The following SOCS7 variants were observed in gnomAD, a reference collection of about 807,000 sequenced individuals.
SOCS7 encodes the protein suppressor of cytokine signaling 7, also known as NAP-4.
Under a neutral mutation model 58.9 loss-of-function variants are expected in SOCS7, and 18 were observed. The ratio of observed to expected loss-of-function variants is 0.31; its 90% CI spans 0.21 to 0.45. The LOEUF is 0.45. Ranked by LOEUF, SOCS7 falls within the 20% of genes least tolerant of loss-of-function variation. SOCS7 has a pLI of 1.00. For synonymous variants in SOCS7, 388 were observed against 364.3 expected (o/e 1.06, Z -0.74); for missense variants, 667 against 837.3 (o/e 0.80, Z 2.51).
At chr17:38,392,630 A>G (rs1474322574) in intron 7 of SOCS7, among the ~76,000 whole-genome samples, 1 of 152,210 alleles carries the variant, frequency 6.6e-6, no homozygotes, top group Non-Finnish European at 1.5e-5. Flanking sequence ...AGGACCAGCC[A>G]TGTGGGTAGA....
At chr17:38,366,646 A>G (rs181105298) in intron 5 of SOCS7, among the ~76,000 whole-genome samples, 29 of 152,298 alleles carry the variant, frequency 1.9e-4, no homozygotes, top group African/African-American at 7.0e-4. Flanking sequence ...GGCATGCACG[A>G]CCAAGCCCAG....
At chr17:38,374,213 C>T (rs920856582) in intron 6 of SOCS7, among the ~76,000 whole-genome samples, 1 of 151,848 alleles carries the variant, frequency 6.6e-6, no homozygotes, top group Non-Finnish European at 1.5e-5. Flanking sequence ...GAGTGAGACT[C>T]TGTCTCAAAA....
At position 38,396,142 on chromosome 17, in the gene SOCS7, C is replaced by T. The variant is rs41524844; in HGVS notation, c.*30+144C>T. ...TGCCCATAGAATGACAAGATCTGAC[C>T]GTGGAGTCCTCAAGGGGCACACACC... On this transcript the variant is annotated intron_variant, in intron 9 of 9. Coordinates refer to ENST00000612932, the MANE Select transcript of SOCS7 (RefSeq NM_014598.4). 9.5e-3 allele frequency: 6,108 copies of T among 642,364 alleles called. 35 individuals are homozygous for T. The highest frequency in any genetic ancestry group is 0.011 in the Non-Finnish European group (4,633 of 405,016). 39.8% of individuals were successfully genotyped at this position (642,364 alleles called of 1,614,324 possible).
rs988361517 is a variant in SOCS7, at chr17:38,352,792, A to T, written c.740A>T (p.Gln247Leu). ...CTGAGTAGAGGGGAGCAGCAGCAGCAGCAGCAGCAGCAACCTCCCCCGCCC... is the reference window on the plus strand; with the variant it reads ...CTGAGTAGAGGGGAGCAGCAGCAGCTGCAGCAGCAGCAACCTCCCCCGCCC... ...GRLSRGEQQQ[Q>L]QQQQPPPPPP... Residue 247 changes from glutamine (Q) to leucine (L), a missense_variant, in exon 1 of 10, where the codon CAG becomes CTG. Around this residue, in one of 9 missense-constraint regions of SOCS7, gnomAD observed 208 missense variants for 190.3 expected, o/e 1.09. Coordinates refer to ENST00000612932, the MANE Select transcript of SOCS7 (RefSeq NM_014598.4). The surrounding 1 kb of genome is among the most constrained non-coding windows in gnomAD (Gnocchi z 5.5). 8.4e-6 allele frequency: 13 copies of T among 1,551,872 alleles called. No homozygotes were observed. Among genetic ancestry groups the T allele is most frequent in the Non-Finnish European group, 1.0e-5 (12 of 1,148,230 alleles).
In SOCS7 at chr17:38,395,844, A is replaced by G. The variant is rs371514542; in HGVS notation, c.1818-4A>G. ...TGTGTATATCCGTCATTTGTTTTTC[A>G]CAGACCTCTGATCTCTTATATCCGA... On this transcript the variant is annotated splice_polypyrimidine_tract_variant and splice_region_variant and intron_variant, in intron 8 of 9. Coordinates refer to ENST00000612932, the MANE Select transcript of SOCS7 (RefSeq NM_014598.4). 79 of 1,607,974 alleles carry G rather than the reference A, an allele frequency of 4.9e-5. No homozygotes were observed. In the African/African-American group the frequency reaches 9.7e-4, roughly 20 times the overall value.
intron 9 of SOCS7, 70 bp from the exon 10 acceptor site, chr17:38,399,443 G>A (rs757542969): frequency 3.3e-5 from 5 of 152,200 alleles, no homozygotes; most frequent in Admixed American, 6.5e-5. Flanking sequence ...TCCAGTGGCT[G>A]GCTGTTATTT....
rs1427157425 is a variant in SOCS7 at position 38,387,545 on chromosome 17, TATATATATACACAATACATA to T, written c.1682-7747_1682-7728del. Among the ~76,000 whole-genome samples, 4 of 140,766 alleles carry T rather than the reference TATATATATACACAATACATA, an allele frequency of 2.8e-5. No homozygotes were observed. In the East Asian group the frequency reaches 8.0e-4, roughly 28 times the overall value. 92.3% of individuals were successfully genotyped at this position (140,766 alleles called of 152,430 possible). A position where few individuals can be genotyped will look rare whatever the true frequency, so the allele number is the denominator to read the frequency against. ...TATATATTATATACACAATATATAG[TATATATATACACAATACATA>T]ATATATATACACAATATATTGTATA... is the stretch of plus-strand genomic sequence containing the variant. On this transcript the variant is annotated intron_variant, in intron 7 of 9. Transcript: ENST00000612932.
At chr17:38,394,845 T>A (rs910772145) in intron 7 of SOCS7, among the ~76,000 whole-genome samples, 3 of 151,302 alleles carry the variant, frequency 2.0e-5, no homozygotes, top group Non-Finnish European at 4.4e-5. Context: ...AGCCCAGGAG[T>A]TCGAGACTAG....
intron 6 of SOCS7, among the ~76,000 whole-genome samples, chr17:38,376,592 C>T (rs978931571): frequency 4.0e-5 from 6 of 151,898 alleles, no homozygotes; most frequent in Admixed American, 3.3e-4. Flanking sequence ...ATTAGCCAGG[C>T]GTGGTGGCAG....
intron 6 of SOCS7, among the ~76,000 whole-genome samples, chr17:38,370,375 T>A (rs1271737657): frequency 1.3e-5 from 2 of 152,172 alleles, no homozygotes; most frequent in African/African-American, 4.8e-5. Flanking sequence ...GGTCTCACCC[T>A]GCTGCCCAGG....
intron 7 of SOCS7, among the ~76,000 whole-genome samples, chr17:38,389,898 T>TGA: frequency 1.2e-5 from 1 of 82,444 alleles, no homozygotes; most frequent in African/African-American, 8.5e-5. Flanking sequence ...TATATATATA[T>TGA]ACACATATAG....
intron 7 of SOCS7, among the ~76,000 whole-genome samples, chr17:38,394,685 T>C (rs1443598936): frequency 6.6e-6 from 1 of 152,194 alleles, no homozygotes; most frequent in South Asian, 2.1e-4. Context: ...GATTGGCCAC[T>C]TGGGTCCAAG....
In SOCS7 at chr17:38,389,863, G is replaced by GTGTATATATATATATATATATATATA; in HGVS notation, c.1682-5442_1682-5441insTATATATATATATATATATATATGTA. Among the ~76,000 whole-genome samples the GTGTATATATATATATATATATATATA allele has an allele frequency of 2.7e-4, 6 of 22,332 alleles. 1 individual carries two copies. The highest frequency in any genetic ancestry group is 8.0e-4 in the African/African-American group (5 of 6,270). 14.7% of individuals were successfully genotyped at this position (22,332 alleles called of 152,430 possible). A position where few individuals can be genotyped will look rare whatever the true frequency, so the allele number is the denominator to read the frequency against. On this transcript the variant is annotated intron_variant, in intron 7 of 9. Coordinates refer to ENST00000612932, the MANE Select transcript of SOCS7 (RefSeq NM_014598.4). ...TAATTTTTTTGTTTGGTGTGTATGT[G>GTGTATATATATATATATATATATATA]TGTACATATATATATATATGTACAT... is the stretch of plus-strand genomic sequence containing the variant.
intron 4 of SOCS7, chr17:38,365,649 A>G (rs1328844693): frequency 7.5e-6 from 3 of 398,792 alleles, no homozygotes; most frequent in Non-Finnish European, 1.3e-5. Context: ...TGAATTTTTC[A>G]TCAGTCTTTG....
At chr17:38,383,269 G>C (rs1402789946) in intron 7 of SOCS7, among the ~76,000 whole-genome samples, 2 of 152,162 alleles carry the variant, frequency 1.3e-5, no homozygotes, top group African/African-American at 4.8e-5. Context: ...AGGAATGCAA[G>C]AGTTAACTCA....
rs762433104 is a variant in SOCS7, at chr17:38,352,995, A to T, written c.943A>T (p.Met315Leu). Residue 315 changes from methionine to leucine, a missense_variant, in exon 1 of 10, where the codon ATG (methionine) becomes TTG (leucine). Around this residue, in one of 9 missense-constraint regions of SOCS7, gnomAD observed 208 missense variants for 190.3 expected, o/e 1.09. Coordinates refer to ENST00000612932, the MANE Select transcript of SOCS7 (RefSeq NM_014598.4). The surrounding 1 kb of genome is among the most constrained non-coding windows in gnomAD (Gnocchi z 5.5). ...TGCTTCAGCTGCGAGCCTGACAGAC[A>T]TGGGAGGCTCTGCGGGCCGGGAGCT... is the stretch of plus-strand genomic sequence containing the variant. Reference protein sequence around the residue: ...LAASAASLTDMGGSAGRELDA... With the variant: ...LAASAASLTDLGGSAGRELDA... 3 of 1,602,384 alleles carry T rather than the reference A, an allele frequency of 1.9e-6. No individual in the cohort carries two copies. Among genetic ancestry groups the T allele is most frequent in the Non-Finnish European group, 2.6e-6 (3 of 1,175,674 alleles).
intron 7 of SOCS7, among the ~76,000 whole-genome samples, chr17:38,384,160 A>G (rs1377019137): frequency 2.0e-5 from 3 of 152,142 alleles, no homozygotes; most frequent in Admixed American, 2.0e-4. Flanking sequence ...GTTTATTTGT[A>G]TGGTGTGCAG....
Position 38,399,662 on chromosome 17 carries a change from G to C in SOCS7, c.*180G>C, listed in dbSNP as rs138717560. ...TGGGGCTTGGAAGAAGCACATGACC[G>C]TACTCTGCGTGGGGCTCCACCTCAC... On this transcript the variant is annotated 3_prime_UTR_variant, in exon 10 of 10. Coordinates refer to ENST00000612932, the MANE Select transcript of SOCS7 (RefSeq NM_014598.4). 25 of 152,780 alleles carry C rather than the reference G, an allele frequency of 1.6e-4. No individual in the cohort carries two copies. The highest frequency in any genetic ancestry group is 5.8e-4 in the African/African-American group (24 of 41,584). 9.5% of individuals were successfully genotyped at this position (152,780 alleles called of 1,614,324 possible).
At position 38,403,536 on chromosome 17, in the gene SOCS7, G is replaced by A. The variant is rs1471779010; in HGVS notation, c.*4054G>A. 6.6e-6 allele frequency: 1 copy of A among 152,218 alleles called. No individual in the cohort carries two copies. The highest frequency in any genetic ancestry group is 2.1e-4 in the South Asian group (1 of 4,824). 9.4% of individuals were successfully genotyped at this position (152,218 alleles called of 1,614,324 possible). A position where few individuals can be genotyped will look rare whatever the true frequency, so the allele number is the denominator to read the frequency against. On this transcript the variant is annotated 3_prime_UTR_variant, in exon 10 of 10. Coordinates refer to ENST00000612932, the MANE Select transcript of SOCS7 (RefSeq NM_014598.4). Reference sequence around the variant, plus strand: ...CCTTAGCTTTGGAGCCCTAAAGTTAGTGGACAAGACACTGGGATAAAGCTC... The same window carrying A: ...CCTTAGCTTTGGAGCCCTAAAGTTAATGGACAAGACACTGGGATAAAGCTC...
Sources: gnomAD v4.1 joint callset for allele counts (sites outside exome capture counted in the v4.1 genomes callset) on GRCh38, gnomAD v4.1.1 for gene constraint, gnomAD v4.1.1 regional missense constraint, Gnocchi (gnomAD v3.1) non-coding constraint, MANE v1.5 for transcripts, NCBI Gene and HGNC (gene_info 2026-07-23, HGNC 2026-07-21) for gene names.